Variants in SLC25A20 observed in about 807,000 individuals in gnomAD.
The protein encoded by SLC25A20 is mitochondrial carnitine/acylcarnitine carrier protein.
SLC25A20 carries 29 observed loss-of-function variants against 39.7 expected under a neutral mutation model. The ratio of observed to expected loss-of-function variants is 0.73; its 90% CI spans 0.54 to 1.00. SLC25A20 has a LOEUF of 1.00. Among genes scored for constraint, SLC25A20 ranks in the 50% least tolerant of loss-of-function variants. SLC25A20 has a pLI of 0.00. For synonymous variants in SLC25A20, 103 were observed against 142.2 expected (o/e 0.72, Z 1.96); for missense variants, 333 against 379.9 (o/e 0.88, Z 1.03).
At position 48,895,254 on chromosome 3, in the gene SLC25A20, C is replaced by T. The variant is rs183703090; in HGVS notation, c.106-3182G>A. On this transcript the variant is annotated intron_variant, in intron 1 of 8. Coordinates refer to ENST00000319017, the MANE Select transcript of SLC25A20 (RefSeq NM_000387.6). ...AACGTCCAATCTCAGGTGATCTGCCCGCCTCAGCCTCCCAAAGTGCTGGGA... is the reference window on the plus strand; with the variant it reads ...AACGTCCAATCTCAGGTGATCTGCCTGCCTCAGCCTCCCAAAGTGCTGGGA... 1.2e-4 allele frequency among the ~76,000 whole-genome samples: 18 copies of T among 152,272 alleles called. No homozygotes were observed. In the East Asian group the frequency reaches 1.7e-3, roughly 15 times the overall value.
Position 48,896,183 on chromosome 3 carries a change from AT to A in SLC25A20, c.105+2506del, listed in dbSNP as rs920094418. On this transcript the variant is annotated intron_variant, in intron 1 of 8. Coordinates refer to ENST00000319017, the MANE Select transcript of SLC25A20 (RefSeq NM_000387.6). ...AAATTCTGACTAATACCTTGTTGTG[AT>A]TTTTTTTTTCTTTTGAGACAGTGTC... Among the ~76,000 whole-genome samples, 30 of 144,620 alleles carry A rather than the reference AT, an allele frequency of 2.1e-4. 1 individual carries two copies. In the Middle Eastern group the frequency reaches 0.011, roughly 53 times the overall value. 94.9% of individuals were successfully genotyped at this position (144,620 alleles called of 152,430 possible).
chr3:48,897,521 A>T (rs1479483238), intron 1 of SLC25A20, among the ~76,000 whole-genome samples: 1 of 151,988 alleles, frequency 6.6e-6, no homozygotes, highest in Non-Finnish European at 1.5e-5. Flanking sequence ...GCACTAACAC[A>T]TGGCATTTAC....
At chr3:48,895,072 G>T (rs565283742) in intron 1 of SLC25A20, among the ~76,000 whole-genome samples, 1 of 152,174 alleles carries the variant, frequency 6.6e-6, no homozygotes, top group Admixed American at 6.6e-5. Context: ...GCAATGGTGC[G>T]ATCTGGGCTC....
intron 4 of SLC25A20, among the ~76,000 whole-genome samples, chr3:48,871,619 T>G (rs2083715531): frequency 6.6e-6 from 1 of 151,802 alleles, no homozygotes; most frequent in Non-Finnish European, 1.5e-5. Context: ...AATACAAAAT[T>G]AGCCGGGCAT....
Position 48,891,832 on chromosome 3 carries a change from G to C in SLC25A20, c.198+148C>G. 6.6e-6 allele frequency: 5 copies of C among 754,074 alleles called. No individual in the cohort carries two copies. The Admixed American group carries it at 7.1e-5, about 11-fold the overall frequency. 46.7% of individuals were successfully genotyped at this position (754,074 alleles called of 1,614,324 possible). A position where few individuals can be genotyped will look rare whatever the true frequency, so the allele number is the denominator to read the frequency against. ...GAGACTCCAAAGCAGATGACAACAG[G>C]GGGGCACAGGGTGGCGTGGTGAAGG... On this transcript the variant is annotated intron_variant, in intron 2 of 8. Transcript: ENST00000319017.
At chr3:48,879,329 A>T in intron 4 of SLC25A20, 29 bp downstream of exon 4, 2 of 1,488,274 alleles carry the variant, frequency 1.3e-6, no homozygotes, top group Non-Finnish European at 1.9e-6. Flanking sequence ...GAAAGGAAAA[A>T]GCTATTTCCC....
At chr3:48,878,283 T>A (rs374425588) in intron 4 of SLC25A20, among the ~76,000 whole-genome samples, 8,979 of 139,764 alleles carry the variant, frequency 0.064, 347 homozygotes, top group Non-Finnish European at 0.074. Context: ...AATATATATA[T>A]ATATATATAT....
chr3:48,873,329 G>A (rs545305793), intron 4 of SLC25A20, among the ~76,000 whole-genome samples: 183 of 152,120 alleles, frequency 1.2e-3, no homozygotes, highest in African/African-American at 4.2e-3. Flanking sequence ...CCGGACTGGC[G>A]GCTGGGCGCA....
chr3:48,890,019 A>G (rs977642791), intron 2 of SLC25A20, among the ~76,000 whole-genome samples: 2 of 152,184 alleles, frequency 1.3e-5, no homozygotes, highest in Admixed American at 6.5e-5. Flanking sequence ...TACTTAGCAG[A>G]CCATGAAAGG....
rs1162930058 is a variant in SLC25A20, at chr3:48,862,542, C to T, written c.535G>A (p.Asp179Asn). 6 of 1,607,810 alleles carry T rather than the reference C, an allele frequency of 3.7e-6. No individual in the cohort carries two copies. In the South Asian group the frequency reaches 6.6e-5, roughly 18 times the overall value. The change falls in exon 5 of 9, where the codon GAT becomes AAT. Residue 179 changes from aspartate to asparagine, a missense_variant and splice_region_variant. Asp to Asn is a conservative substitution (Grantham distance 23, BLOSUM62 1). Transcript: ENST00000319017. Reference protein sequence around the residue: ...YKGTVLTLMRDVPASGMYFMT... With the variant: ...YKGTVLTLMRNVPASGMYFMT... ...CTCAAGTGGAGGCCTGAAAGGTTAC[C>T]TCGCATAAGGGTAAGCACAGTCCCT...
chr3:48,883,208 A>G (rs886865224), intron 3 of SLC25A20, among the ~76,000 whole-genome samples: 9 of 151,328 alleles, frequency 5.9e-5, no homozygotes, highest in African/African-American at 2.2e-4. Flanking sequence ...CAAACAAAAA[A>G]AAATTTAAAA....
chr3:48,895,959 G>C (rs2083907126), intron 1 of SLC25A20: 1 of 307,200 alleles, frequency 3.3e-6, no homozygotes. Flanking sequence ...GCCCAACATG[G>C]AGAAACCCCA....
rs1216285427 is a variant in SLC25A20, at chr3:48,892,011, A to G, written c.167T>C (p.Phe56Ser). 2 of 1,614,010 alleles carry G rather than the reference A, an allele frequency of 1.2e-6. No individual in the cohort carries two copies. The highest frequency in any genetic ancestry group is 1.7e-6 in the Non-Finnish European group (2 of 1,179,924). Reference protein sequence around the residue: ...PGQPPMYSGTFDCFRKTLFRE... With the variant: ...PGQPPMYSGTSDCFRKTLFRE... ...AAAAAGAGTCTTCCGGAAACAGTCAAAGGTCCCAGAGTACATGGGAGGTTG... is the reference window on the plus strand; with the variant it reads ...AAAAAGAGTCTTCCGGAAACAGTCAGAGGTCCCAGAGTACATGGGAGGTTG... The change falls in exon 2 of 9, where the codon TTT becomes TCT. Residue 56 changes from phenylalanine to serine, a missense_variant. By Grantham distance (155) the Phe-to-Ser change is radical. Transcript: ENST00000319017.
intron 3 of SLC25A20, among the ~76,000 whole-genome samples, chr3:48,881,156 T>A (rs1014778689): frequency 2.0e-5 from 3 of 151,902 alleles, no homozygotes; most frequent in Non-Finnish European, 4.4e-5. Flanking sequence ...CAGCGCGATT[T>A]CTCCCTGCAT....
chr3:48,865,972 T>C (rs1467372017), intron 4 of SLC25A20, among the ~76,000 whole-genome samples: 1 of 139,884 alleles, frequency 7.1e-6, no homozygotes, highest in East Asian at 2.2e-4. Context: ...CTACTAAAAA[T>C]ACAAAAAAAA....
Position 48,860,890 on chromosome 3 carries a change from A to G in SLC25A20, c.536-1263T>C, listed in dbSNP as rs574390216. Reference sequence around the variant, plus strand: ...GCTCTCTCGCCCAGGCTGGAGTGCAATGGTGCAATCTCGGCTCACTGCAAC... The same window carrying G: ...GCTCTCTCGCCCAGGCTGGAGTGCAGTGGTGCAATCTCGGCTCACTGCAAC... On this transcript the variant is annotated intron_variant, in intron 5 of 8. Transcript: ENST00000319017. Among the ~76,000 whole-genome samples the G allele has an allele frequency of 1.8e-3, 269 of 149,232 alleles. 1 individual carries two copies. The highest frequency in any genetic ancestry group is 3.5e-3 in the Non-Finnish European group (234 of 67,430).
intron 4 of SLC25A20, 37 bp from the exon 5 acceptor site, chr3:48,862,696 C>T: frequency 1.4e-6 from 2 of 1,381,536 alleles, no homozygotes; most frequent in Non-Finnish European, 2.1e-6. Context: ...TCAGAAACAT[C>T]AGAGTCACAG....
intron 4 of SLC25A20, among the ~76,000 whole-genome samples, chr3:48,873,141 T>A (rs965215017): frequency 9.3e-5 from 14 of 150,488 alleles, no homozygotes; most frequent in Non-Finnish European, 1.6e-4. Flanking sequence ...GGAGAATCGC[T>A]TGAATCTGGG....
chr3:48,895,575 C>T (rs2083905040), intron 1 of SLC25A20, among the ~76,000 whole-genome samples: 1 of 152,122 alleles, frequency 6.6e-6, no homozygotes, highest in African/African-American at 2.4e-5. Flanking sequence ...TTGTATTTGT[C>T]AGGTCCTTCT....
Sources: gnomAD v4.1 joint callset for allele counts (sites outside exome capture counted in the v4.1 genomes callset) on GRCh38, gnomAD v4.1.1 for gene constraint, MANE v1.5 for transcripts, NCBI Gene and HGNC (gene_info 2026-07-23, HGNC 2026-07-21) for gene names.